Variants in ZP3 observed in about 807,000 individuals in gnomAD.
ZP3 encodes zona pellucida sperm-binding protein 3.
ZP3 carries 21 observed loss-of-function variants against 35.6 expected under a neutral mutation model. The observed-to-expected ratio is 0.59, with a 90% confidence interval of 0.42 to 0.85. ZP3 has a LOEUF of 0.85. Among genes scored for constraint, ZP3 ranks in the 40% least tolerant of loss-of-function variants. The pLI is 0.00. For synonymous variants in ZP3, 207 were observed against 214.5 expected (o/e 0.96, Z 0.31); for missense variants, 437 against 536.5 (o/e 0.81, Z 1.83).
In ZP3 at chr7:76,437,171, CTTTTT is replaced by C. The variant is rs869115807; in HGVS notation, c.831+3035_831+3039del. On this transcript the variant is annotated intron_variant, in intron 5 of 7. Coordinates refer to ENST00000394857, the MANE Select transcript of ZP3 (RefSeq NM_001110354.2). Reference sequence around the variant, plus strand: ...CCTCAACAGAGCAAGACCCTGTGTACTTTTTTTTTTTTTTTTTTTTTTTGGACAGA... The same window carrying C: ...CCTCAACAGAGCAAGACCCTGTGTACTTTTTTTTTTTTTTTTTTGGACAGA... Among the ~76,000 whole-genome samples the C allele has an allele frequency of 8.3e-3, 649 of 78,452 alleles. 5 individuals are homozygous for C. Among genetic ancestry groups the C allele is most frequent in the African/African-American group, 0.03 (575 of 19,366 alleles). 51.5% of individuals were successfully genotyped at this position (78,452 alleles called of 152,430 possible).
chr7:76,440,705 C>T, intron 7 of ZP3, 94 bp downstream of exon 7: 1 of 1,530,604 alleles, frequency 6.5e-7, no homozygotes, highest in Non-Finnish European at 8.8e-7. Flanking sequence ...TTCCCTTGTC[C>T]TCCATTAAAA....
chr7:76,439,295 C>CA (rs200656122), intron 5 of ZP3, among the ~76,000 whole-genome samples: 1,504 of 151,072 alleles, frequency 1.0e-2, no homozygotes, highest in African/African-American at 0.03. Flanking sequence ...AGTAGCTTGT[C>CA]AACTAGTCAA....
At chr7:76,433,396 C>G (rs932139293) in intron 3 of ZP3, 74 bp from the exon 4 acceptor site, 2 of 1,506,312 alleles carry the variant, frequency 1.3e-6, no homozygotes, top group Non-Finnish European at 1.8e-6. Context: ...CTCAGGTGAT[C>G]CACCTGCCTC....
chr7:76,418,112 G>C (rs933855982), intron 1 of ZP3, among the ~76,000 whole-genome samples: 1 of 151,204 alleles, frequency 6.6e-6, no homozygotes, highest in South Asian at 2.1e-4. Flanking sequence ...CTAATTTTTT[G>C]TGTTTTTAGC....
At chr7:76,404,522 C>A in intron 1 of ZP3, 1 of 1,605,546 alleles carries the variant, frequency 6.2e-7, no homozygotes, top group South Asian at 1.1e-5. Flanking sequence ...TTAAAGATCC[C>A]AAATGTTGCT....
chr7:76,417,952 T>A (rs1351936675), intron 1 of ZP3, among the ~76,000 whole-genome samples: 6 of 151,246 alleles, frequency 4.0e-5, no homozygotes, highest in African/African-American at 7.3e-5. Flanking sequence ...TTTTTTTTTT[T>A]TTTGAGACAC....
intron 1 of ZP3, among the ~76,000 whole-genome samples, chr7:76,416,677 T>G (rs1189924358): frequency 6.6e-6 from 1 of 151,652 alleles, no homozygotes; most frequent in Non-Finnish European, 1.5e-5. Context: ...CATGCACCTG[T>G]AGTCCCAACT....
At chr7:76,424,270 G>A (rs531837897), upstream of ZP3, among the ~76,000 whole-genome samples, 9 of 152,240 alleles carry the variant, frequency 5.9e-5, no homozygotes, top group East Asian at 1.2e-3. Context: ...GGTGCACCAG[G>A]CAGGCAGCAC....
At chr7:76,426,576 C>T (rs550245613) in intron 1 of ZP3, among the ~76,000 whole-genome samples, 1 of 152,160 alleles carries the variant, frequency 6.6e-6, no homozygotes, top group South Asian at 2.1e-4. Context: ...GCAGGAGTTA[C>T]TTGAGGAATT....
rs1805426310 is a variant in ZP3, at chr7:76,418,476, GA to G, written c.-66-6573del. Among the ~76,000 whole-genome samples the G allele has an allele frequency of 2.8e-5, 4 of 140,490 alleles. No individual in the cohort carries two copies. The South Asian group carries it at 9.3e-4, about 33-fold the overall frequency. The allele number at this position is 140,490 out of a possible 152,430, so 92.2% of individuals were successfully genotyped here. On this transcript the variant is annotated intron_variant, in intron 1 of 8. Transcript: ENST00000336517. ...TGAGGCAGAAGAATCGCTTGAACCTGAAAGGCGGAGGTTGCAGTGAGCCAGG... is the reference window on the plus strand; with the variant it reads ...TGAGGCAGAAGAATCGCTTGAACCTGAAGGCGGAGGTTGCAGTGAGCCAGG...
intron 1 of ZP3, among the ~76,000 whole-genome samples, chr7:76,413,993 T>C (rs1188459237): frequency 1.0e-4 from 13 of 125,594 alleles, no homozygotes; most frequent in Non-Finnish European, 1.6e-5. Context: ...TCTTTCCTTC[T>C]TCTTCTTTTT....
upstream of ZP3, among the ~76,000 whole-genome samples, chr7:76,422,345 A>T (rs1805522000): frequency 6.6e-6 from 1 of 152,012 alleles, no homozygotes; most frequent in African/African-American, 2.4e-5. Context: ...CAGGTTACCT[A>T]CCCCAACCAT....
In ZP3 at chr7:76,433,015, C is replaced by T. The variant is rs1427314238; in HGVS notation, c.520C>T (p.Leu174=). The change falls in exon 3 of 8, where the codon CTG becomes TTG. Residue 174 remains leucine, a synonymous_variant. Transcript: ENST00000394857. ...VFSEEKLTFS[L]RLMEENWNAE... ...CTCAGAGGAGAAGCTGACTTTCTCT[C>T]TGCGTCTGATGGAGGGTAAGAGAAG... The T allele has an allele frequency of 1.2e-6, 2 of 1,614,028 alleles. No individual in the cohort carries two copies. Among genetic ancestry groups the T allele is most frequent in the East Asian group, 2.2e-5 (1 of 44,890 alleles).
chr7:76,416,849 C>CACAT (rs113364778), intron 1 of ZP3, among the ~76,000 whole-genome samples: 1 of 149,856 alleles, frequency 6.7e-6, no homozygotes, highest in Non-Finnish European at 1.5e-5. Flanking sequence ...CATATATACA[C>CACAT]ACATACATAT....
At chr7:76,411,926 C>T (rs903294578) in intron 1 of ZP3, among the ~76,000 whole-genome samples, 8 of 152,084 alleles carry the variant, frequency 5.3e-5, no homozygotes, top group Non-Finnish European at 1.0e-4. Flanking sequence ...GGTGAGGTGG[C>T]GTGTGCCTGT....
chr7:76,400,518 G>A (rs543456048), intron 1 of ZP3: 53 of 1,583,110 alleles, frequency 3.3e-5, no homozygotes, highest in East Asian at 2.3e-4. Context: ...CATCACAGAC[G>A]CTGCCCCAGG....
At chr7:76,402,073 G>A (rs1804848052) in intron 1 of ZP3, among the ~76,000 whole-genome samples, 2 of 151,786 alleles carry the variant, frequency 1.3e-5, no homozygotes, top group African/African-American at 4.8e-5. Context: ...AGCCTGGAGT[G>A]CAGTGACATG....
intron 5 of ZP3, among the ~76,000 whole-genome samples, chr7:76,438,060 T>C (rs1166406330): frequency 2.4e-4 from 37 of 152,366 alleles, no homozygotes; most frequent in African/African-American, 8.9e-4. Context: ...GGCCACTAGG[T>C]GGTGACTGAG....
intron 1 of ZP3, among the ~76,000 whole-genome samples, chr7:76,403,590 C>A (rs1389365499): frequency 6.6e-6 from 1 of 151,880 alleles, no homozygotes; most frequent in Non-Finnish European, 1.5e-5. Context: ...CCCTCCTCAG[C>A]CTCCCAAAGT....
Sources: gnomAD v4.1 joint callset for allele counts (sites outside exome capture counted in the v4.1 genomes callset) on GRCh38, gnomAD v4.1.1 for gene constraint, MANE v1.5 for transcripts, NCBI Gene and HGNC (gene_info 2026-07-23, HGNC 2026-07-21) for gene names.